The following EYA4 variants were observed in gnomAD, a reference collection of about 807,000 sequenced individuals.
The protein encoded by EYA4 is EYA transcriptional coactivator and phosphatase 4.
In EYA4, 31 loss-of-function variants were observed where a neutral mutation model predicts 87.9. That is an observed-to-expected ratio of 0.35 (90% confidence interval 0.27 to 0.48). The LOEUF (loss-of-function observed/expected upper bound fraction) is 0.48, where lower values mean the gene tolerates loss of function less well. Ranked by LOEUF, EYA4 falls within the 20% of genes least tolerant of loss-of-function variation. EYA4 has a pLI of 0.99. For synonymous variants in EYA4, 263 were observed against 270.6 expected, an observed-to-expected ratio of 0.97 and a Z score of 0.28; for missense variants, 678 against 761.4, an observed-to-expected ratio of 0.89 and a Z score of 1.29.
At chr6:133,426,087 C>G (rs1014491151) in intron 3 of EYA4, among the ~76,000 whole-genome samples, 57 of 150,884 alleles carry the variant, frequency 3.8e-4, no homozygotes, top group South Asian at 2.1e-4. Flanking sequence ...AGATTTGAAG[C>G]CTTCTTTTAT....
chr6:133,273,215 A>G (rs1291082926), intron 1 of EYA4, among the ~76,000 whole-genome samples: 2 of 151,760 alleles, frequency 1.3e-5, no homozygotes, highest in Non-Finnish European at 2.9e-5. Context: ...GATTCCCCAA[A>G]CTGAAGCACT....
At chr6:133,448,318 T>C in intron 5 of EYA4, 139 bp downstream of exon 5, 1 of 720,170 alleles carries the variant, frequency 1.4e-6, no homozygotes, top group Non-Finnish European at 2.5e-6. Context: ...TGCCTTTTAG[T>C]TGTTTATTGA....
chr6:133,373,849 G>T (rs1220725489), intron 2 of EYA4, among the ~76,000 whole-genome samples: 1 of 151,998 alleles, frequency 6.6e-6, no homozygotes, highest in Non-Finnish European at 1.5e-5. Flanking sequence ...GGACAATCTA[G>T]TCTTTTTTCC....
intron 2 of EYA4, among the ~76,000 whole-genome samples, chr6:133,303,311 T>C (rs1304724435): frequency 6.6e-6 from 1 of 152,232 alleles, no homozygotes; most frequent in Non-Finnish European, 1.5e-5. Context: ...TTTTGGCCTT[T>C]ATGTCTTCTT....
At chr6:133,244,828 A>T (rs1249207143) in intron 1 of EYA4, among the ~76,000 whole-genome samples, 1 of 152,044 alleles carries the variant, frequency 6.6e-6, no homozygotes, top group Non-Finnish European at 1.5e-5. Flanking sequence ...TCATTTTAAC[A>T]TTTTATGCAC....
chr6:133,404,811 A>G (rs1788561489), intron 3 of EYA4, among the ~76,000 whole-genome samples: 1 of 152,200 alleles, frequency 6.6e-6, no homozygotes, highest in South Asian at 2.1e-4. Context: ...CCCACCTTAA[A>G]GTGGATTGCT....
chr6:133,528,364 G>T (rs1271582377), intron 19 of EYA4, among the ~76,000 whole-genome samples: 1 of 152,104 alleles, frequency 6.6e-6, no homozygotes, highest in Non-Finnish European at 1.5e-5. Context: ...GTGATGCACT[G>T]ATTAAAACTT....
At chr6:133,526,026 C>T (rs1406794683) in intron 19 of EYA4, 1 of 442,016 alleles carries the variant, frequency 2.3e-6, no homozygotes, top group Non-Finnish European at 3.0e-6. Context: ...TTTTAATAAG[C>T]CTTTTCATCT....
intron 2 of EYA4, among the ~76,000 whole-genome samples, chr6:133,356,071 G>A (rs1465754757): frequency 6.7e-6 from 1 of 149,802 alleles, no homozygotes; most frequent in Non-Finnish European, 1.5e-5. Flanking sequence ...GAGAGAGAGA[G>A]AGAGAGAGAA....
At chr6:133,346,967 A>G (rs1783242722) in intron 2 of EYA4, among the ~76,000 whole-genome samples, 1 of 151,648 alleles carries the variant, frequency 6.6e-6, no homozygotes, top group Non-Finnish European at 1.5e-5. Flanking sequence ...CATTGTAAAG[A>G]TGAAGATCCA....
chr6:133,372,850 T>C (rs141410493), intron 2 of EYA4, among the ~76,000 whole-genome samples: 2 of 151,994 alleles, frequency 1.3e-5, no homozygotes, highest in Non-Finnish European at 1.5e-5. Context: ...CAATTTGTTT[T>C]TAAAGTTAAA....
rs1266263611 is a variant in EYA4 at position 133,483,017 on chromosome 6, A to G, written c.1108-15A>G. ...TGGACTTTTTAATTTTCTGATATTT[A>G]TTTTTTGTCTTCAGCGTGTGTTTGT... On this transcript the variant is annotated splice_polypyrimidine_tract_variant and intron_variant, in intron 12 of 19. Coordinates refer to ENST00000355286, the MANE Select transcript of EYA4 (RefSeq NM_004100.5). The G allele has an allele frequency of 6.2e-7, 1 of 1,607,308 alleles. No individual in the cohort carries two copies. The highest frequency in any genetic ancestry group is 8.5e-7 in the Non-Finnish European group (1 of 1,174,498).
chr6:133,448,103 G>T lies in EYA4; in HGVS notation c.209-8G>T, dbSNP rs370607845. ...GACAATGAACTTTTATACTGTTCCT[G>T]TTCTCAGGGGAAAACATGACTGTTT... On this transcript the variant is annotated splice_polypyrimidine_tract_variant and splice_region_variant and intron_variant, in intron 4 of 19. Transcript: ENST00000355286. 6.2e-7 allele frequency: 1 copy of T among 1,609,872 alleles called. No homozygotes were observed. Among genetic ancestry groups the T allele is most frequent in the Non-Finnish European group, 8.5e-7 (1 of 1,176,132 alleles).
chr6:133,437,134 A>T (rs1208109623), intron 3 of EYA4, among the ~76,000 whole-genome samples: 1 of 152,188 alleles, frequency 6.6e-6, no homozygotes, highest in Admixed American at 6.5e-5. Flanking sequence ...CTAATATTCA[A>T]ATGGCCTCAT....
chr6:133,369,714 C>T (rs555747444), intron 2 of EYA4, among the ~76,000 whole-genome samples: 1 of 152,284 alleles, frequency 6.6e-6, no homozygotes, highest in Admixed American at 6.5e-5. Context: ...TAAAGTGTTT[C>T]TCCTACAGAA....
intron 2 of EYA4, among the ~76,000 whole-genome samples, chr6:133,325,743 G>A (rs1562291815): frequency 6.6e-6 from 1 of 152,188 alleles, no homozygotes; most frequent in Admixed American, 6.5e-5. Flanking sequence ...GGTAGTAAAT[G>A]TTTTGGACCA....
At chr6:133,524,981 T>G in intron 18 of EYA4, 173 bp from the exon 19 acceptor site, 1 of 1,554,702 alleles carries the variant, frequency 6.4e-7, no homozygotes. Context: ...ATGAATGCAG[T>G]GGCTGGAAGA....
intron 3 of EYA4, among the ~76,000 whole-genome samples, chr6:133,435,815 T>C (rs952514542): frequency 6.6e-6 from 1 of 151,784 alleles, no homozygotes; most frequent in Non-Finnish European, 1.5e-5. Context: ...CCTCTTTGAC[T>C]CTAAAGTGCA....
intron 2 of EYA4, among the ~76,000 whole-genome samples, chr6:133,287,886 G>A (rs1778190064): frequency 6.6e-6 from 1 of 152,104 alleles, no homozygotes; most frequent in Non-Finnish European, 1.5e-5. Context: ...TGTAATCCCA[G>A]CACTTTGGGA....
Sources: allele counts gnomAD v4.1 joint callset (sites outside exome capture counted in the v4.1 genomes callset), GRCh38; gene constraint gnomAD v4.1.1; transcripts MANE v1.5; gene names NCBI Gene and HGNC (gene_info 2026-07-23, HGNC 2026-07-21).